Variants in SRBD1 observed in about 807,000 individuals in gnomAD.
SRBD1 encodes S1 RNA binding domain 1.
Under a neutral mutation model 115.3 loss-of-function variants are expected in SRBD1, and 88 were observed. The ratio of observed to expected loss-of-function variants is 0.76; its 90% CI spans 0.64 to 0.91. The LOEUF is 0.91. Ranked by LOEUF, SRBD1 falls within the 40% of genes least tolerant of loss-of-function variation. The pLI is 0.00. For synonymous variants in SRBD1, 509 were observed against 407.7 expected (o/e 1.25, Z -2.99); for missense variants, 1,385 against 1,177.4 (o/e 1.18, Z -2.58).
intron 10 of SRBD1, 100 bp downstream of exon 10, chr2:45,562,553 G>A: frequency 1.1e-6 from 1 of 943,578 alleles, no homozygotes; most frequent in Admixed American, 3.2e-5. Context: ...TTTTAAAAAT[G>A]TTCACGTAAT....
intron 18 of SRBD1, 21 bp from the exon 19 acceptor site, chr2:45,413,314 C>T (rs184823914): frequency 2.4e-5 from 38 of 1,596,886 alleles, no homozygotes; most frequent in Admixed American, 5.4e-5. Context: ...CCAGAAAAAA[C>T]CACATTTATG....
At chr2:45,403,443 C>A (rs1203282169) in intron 19 of SRBD1, among the ~76,000 whole-genome samples, 2 of 152,054 alleles carry the variant, frequency 1.3e-5, no homozygotes, top group Non-Finnish European at 2.9e-5. Flanking sequence ...AGTCATCTTT[C>A]ATTATTAATT....
intron 16 of SRBD1, among the ~76,000 whole-genome samples, chr2:45,448,359 C>CA (rs1336784235): frequency 2.6e-5 from 4 of 151,852 alleles, no homozygotes; most frequent in East Asian, 1.9e-4. Context: ...AAAGGCTCAA[C>CA]AAAAAAACAT....
intron 14 of SRBD1, among the ~76,000 whole-genome samples, chr2:45,492,902 G>A (rs1670343223): frequency 6.6e-6 from 1 of 152,116 alleles, no homozygotes; most frequent in Non-Finnish European, 1.5e-5. Context: ...TATGTTAACA[G>A]AAGAACTTAA....
chr2:45,395,672 T>TCACG (rs1667126754), intron 19 of SRBD1, among the ~76,000 whole-genome samples: 1 of 152,122 alleles, frequency 6.6e-6, no homozygotes. Flanking sequence ...GTTAACAAGG[T>TCACG]CACGCACACA....
intron 14 of SRBD1, among the ~76,000 whole-genome samples, chr2:45,537,048 T>C (rs919193602): frequency 3.3e-5 from 5 of 152,182 alleles, no homozygotes; most frequent in African/African-American, 1.2e-4. Context: ...TATTTAACTT[T>C]TTAAAAATGC....
intron 19 of SRBD1, among the ~76,000 whole-genome samples, chr2:45,400,050 A>G (rs948366145): frequency 3.3e-5 from 5 of 152,198 alleles, no homozygotes; most frequent in African/African-American, 1.2e-4. Flanking sequence ...TTTTTACTAT[A>G]AATGCCATCC....
intron 15 of SRBD1, among the ~76,000 whole-genome samples, chr2:45,482,996 C>G (rs112620749): frequency 1.1e-4 from 17 of 151,994 alleles, no homozygotes; most frequent in Non-Finnish European, 2.5e-4. Context: ...TATTTTCAAT[C>G]CACTGTTGAA....
chr2:45,604,307 G>C (rs965328701), intron 2 of SRBD1, among the ~76,000 whole-genome samples: 3 of 146,614 alleles, frequency 2.0e-5, no homozygotes, highest in African/African-American at 7.6e-5. Flanking sequence ...GATCAAGTTG[G>C]AGATACTGTA....
intron 16 of SRBD1, among the ~76,000 whole-genome samples, chr2:45,462,360 T>A (rs1294837705): frequency 6.6e-6 from 1 of 152,196 alleles, no homozygotes; most frequent in South Asian, 2.1e-4. Flanking sequence ...TTGCACATCA[T>A]GCCTCAAAAA....
At position 45,405,831 on chromosome 2, in the gene SRBD1, G is replaced by T. The variant is rs17033619; in HGVS notation, c.2513+7283C>A. Among the ~76,000 whole-genome samples, 390 of 152,184 alleles carry T rather than the reference G, an allele frequency of 2.6e-3. 2 individuals carry two copies. Among genetic ancestry groups the T allele is most frequent in the African/African-American group, 8.9e-3 (371 of 41,520 alleles). ...GATAGAAGCCAATTGTAAAGGACTG[G>T]GAGAAAGCAGGAAGAAAGAATTAGA... is the stretch of plus-strand genomic sequence containing the variant. On this transcript the variant is annotated intron_variant, in intron 19 of 20. Coordinates refer to ENST00000263736, the MANE Select transcript of SRBD1 (RefSeq NM_018079.5).
intron 19 of SRBD1, among the ~76,000 whole-genome samples, chr2:45,400,581 T>C (rs1040985581): frequency 6.6e-5 from 10 of 151,982 alleles, no homozygotes; most frequent in African/African-American, 9.7e-5. Context: ...AAAACAACTT[T>C]TTTTCTTGGG....
chr2:45,448,749 A>G (rs1376812466), intron 16 of SRBD1, among the ~76,000 whole-genome samples: 1 of 152,220 alleles, frequency 6.6e-6, no homozygotes, highest in African/African-American at 2.4e-5. Context: ...AGAAATTAGA[A>G]AACAGGATTC....
intron 4 of SRBD1, among the ~76,000 whole-genome samples, chr2:45,596,993 CA>C (rs1673922249): frequency 8.5e-6 from 1 of 117,774 alleles, no homozygotes; most frequent in East Asian, 2.0e-4. Context: ...AACCCTCACA[CA>C]CACACACACA....
chr2:45,468,256 G>A (rs1329997456), intron 16 of SRBD1, among the ~76,000 whole-genome samples: 1 of 151,860 alleles, frequency 6.6e-6, no homozygotes, highest in African/African-American at 2.4e-5. Flanking sequence ...TATTAATCTA[G>A]CATTTCTGAG....
chr2:45,553,776 A>C, intron 10 of SRBD1, 46 bp from the exon 11 acceptor site: 1 of 1,312,912 alleles, frequency 7.6e-7, no homozygotes, highest in Non-Finnish European at 1.0e-6. Flanking sequence ...AACAATAAAT[A>C]AGGCCATAAA....
At chr2:45,493,543 G>A (rs1239738936) in intron 14 of SRBD1, among the ~76,000 whole-genome samples, 1 of 152,094 alleles carries the variant, frequency 6.6e-6, no homozygotes, top group Non-Finnish European at 1.5e-5. Context: ...AGGCACGGTG[G>A]CACACACCTG....
At chr2:45,461,996 C>T (rs1572666619) in intron 16 of SRBD1, among the ~76,000 whole-genome samples, 1 of 151,768 alleles carries the variant, frequency 6.6e-6, no homozygotes. Flanking sequence ...TTTTATTTTC[C>T]CACAATAAAA....
chr2:45,478,575 G>C (rs1024769758), intron 15 of SRBD1, among the ~76,000 whole-genome samples: 1 of 152,108 alleles, frequency 6.6e-6, no homozygotes, highest in African/African-American at 2.4e-5. Flanking sequence ...ATCACAAAAG[G>C]TTAGTTAGTG....
Sources: gnomAD v4.1 joint callset for allele counts (sites outside exome capture counted in the v4.1 genomes callset) on GRCh38, gnomAD v4.1.1 for gene constraint, MANE v1.5 for transcripts, NCBI Gene and HGNC (gene_info 2026-07-23, HGNC 2026-07-21) for gene names.